The following CMKLR1 variants were observed in gnomAD, a reference collection of about 807,000 sequenced individuals.
CMKLR1 encodes the protein chemerin chemokine-like receptor 1, also known as chemerin-like receptor 1.
CMKLR1 carries 6 observed loss-of-function variants against 8.2 expected under a neutral mutation model. The ratio of observed to expected loss-of-function variants is 0.73; its 90% CI spans 0.40 to 1.44. The LOEUF is 1.44. Ranked by LOEUF, CMKLR1 falls within the 40% of genes most tolerant of loss-of-function variation. The pLI, the probability that CMKLR1 is intolerant of heterozygous loss-of-function variation, is 0.02. For missense variants in CMKLR1, 429 were observed against 478.0 expected (o/e 0.90, Z 0.96); for synonymous variants, 178 against 181.2 (o/e 0.98, Z 0.14).
intron 2 of CMKLR1, among the ~76,000 whole-genome samples, chr12:108,297,208 A>C (rs1160466095): frequency 1.3e-5 from 2 of 152,140 alleles, no homozygotes; most frequent in African/African-American, 4.8e-5. Context: ...GAGGATGAAG[A>C]CCTTTGTGGT....
At chr12:108,303,071 T>C (rs1033717129) in intron 2 of CMKLR1, among the ~76,000 whole-genome samples, 1 of 151,944 alleles carries the variant, frequency 6.6e-6, no homozygotes, top group African/African-American at 2.4e-5. Context: ...GGTTACTGAA[T>C]CCCTGACCGA....
chr12:108,296,926 A>G (rs1341278760), intron 2 of CMKLR1, among the ~76,000 whole-genome samples: 2 of 152,208 alleles, frequency 1.3e-5, no homozygotes, highest in Non-Finnish European at 1.5e-5. Flanking sequence ...TGTTGTTGGG[A>G]GAATCATGTG....
At chr12:108,323,598 T>C (rs1350956728) in intron 2 of CMKLR1, among the ~76,000 whole-genome samples, 1 of 152,202 alleles carries the variant, frequency 6.6e-6, no homozygotes, top group African/African-American at 2.4e-5. Flanking sequence ...AAATGTTCCA[T>C]GAACCTGCAC....
In CMKLR1 at chr12:108,331,830, A is replaced by G. The variant is rs530120327; in HGVS notation, c.-286-1623T>C. ...GAAGCTGGAAAAGGAGGGCAAACAGATTCTCCCCTAGGGCCTCCGGAAGAG... is the reference window on the plus strand; with the variant it reads ...GAAGCTGGAAAAGGAGGGCAAACAGGTTCTCCCCTAGGGCCTCCGGAAGAG... On this transcript the variant is annotated intron_variant, in intron 1 of 3. Transcript: ENST00000550402. Among the ~76,000 whole-genome samples the G allele has an allele frequency of 5.3e-5, 8 of 152,282 alleles. No individual in the cohort carries two copies. In the South Asian group the frequency reaches 1.7e-3, roughly 32 times the overall value.
chr12:108,338,330 C>CA (rs747318697), intron 1 of CMKLR1, among the ~76,000 whole-genome samples: 16 of 152,130 alleles, frequency 1.1e-4, no homozygotes, highest in Non-Finnish European at 2.4e-4. Context: ...ACAGGAGAGT[C>CA]AGACTAGAAA....
intron 2 of CMKLR1, among the ~76,000 whole-genome samples, chr12:108,318,826 A>C (rs549914584): frequency 6.6e-6 from 1 of 152,300 alleles, no homozygotes; most frequent in South Asian, 2.1e-4. Context: ...TGCCAAGTTG[A>C]AGCTGCTTTT....
intron 2 of CMKLR1, among the ~76,000 whole-genome samples, chr12:108,306,629 C>T (rs565053315): frequency 1.8e-4 from 27 of 152,304 alleles, no homozygotes; most frequent in South Asian, 4.1e-4. Context: ...GTAGACAAAT[C>T]TTTTCAAGAA....
At chr12:108,307,309 GT>G (rs1891435590) in intron 2 of CMKLR1, among the ~76,000 whole-genome samples, 1 of 152,176 alleles carries the variant, frequency 6.6e-6, no homozygotes, top group African/African-American at 2.4e-5. Context: ...GCTGTTCTGG[GT>G]GTGGGCTTGG....
At chr12:108,315,698 G>T (rs7315943) in intron 2 of CMKLR1, among the ~76,000 whole-genome samples, 4,218 of 152,270 alleles carry the variant, frequency 0.028, 165 homozygotes, top group African/African-American at 0.09. Flanking sequence ...AACACCAGCT[G>T]GTTCTGCACA....
chr12:108,338,244 T>C (rs1160252476), intron 1 of CMKLR1, among the ~76,000 whole-genome samples: 1 of 152,110 alleles, frequency 6.6e-6, no homozygotes, highest in East Asian at 1.9e-4. Flanking sequence ...GTCCTTTATA[T>C]ACAAAGAACC....
At chr12:108,297,616 G>C (rs765898594) in intron 2 of CMKLR1, among the ~76,000 whole-genome samples, 23 of 152,206 alleles carry the variant, frequency 1.5e-4, no homozygotes, top group Non-Finnish European at 3.4e-4. Flanking sequence ...TGAGAAAACT[G>C]AGGTTCAGAG....
intron 2 of CMKLR1, among the ~76,000 whole-genome samples, chr12:108,304,768 A>G (rs1423522445): frequency 1.3e-5 from 2 of 152,186 alleles, no homozygotes; most frequent in Non-Finnish European, 2.9e-5. Flanking sequence ...CCTCACCTGC[A>G]ACATTCCTCA....
intron 1 of CMKLR1, among the ~76,000 whole-genome samples, 151 bp downstream of exon 1, chr12:108,338,876 G>A (rs1018917856): frequency 1.3e-5 from 2 of 152,174 alleles, no homozygotes; most frequent in African/African-American, 4.8e-5. Flanking sequence ...CAATGAACAT[G>A]CATTACTTTT....
intron 1 of CMKLR1, among the ~76,000 whole-genome samples, chr12:108,330,720 G>C (rs1892084966): frequency 6.6e-6 from 1 of 152,194 alleles, no homozygotes; most frequent in African/African-American, 2.4e-5. Context: ...GCCCCTCTTG[G>C]GGCATATAAA....
At chr12:108,294,446 T>C (rs536708335) in intron 2 of CMKLR1, among the ~76,000 whole-genome samples, 34 of 152,296 alleles carry the variant, frequency 2.2e-4, no homozygotes, top group Middle Eastern at 3.4e-3. Flanking sequence ...GTTTGCAAGA[T>C]CTTGGAGGCA....
At chr12:108,329,514 C>A (rs574024663) in intron 2 of CMKLR1, among the ~76,000 whole-genome samples, 1 of 152,320 alleles carries the variant, frequency 6.6e-6, no homozygotes, top group South Asian at 2.1e-4. Context: ...TCCTGCAGTA[C>A]TTTGCACACT....
chr12:108,317,189 G>A (rs1365429210), intron 2 of CMKLR1, among the ~76,000 whole-genome samples: 2 of 152,194 alleles, frequency 1.3e-5, no homozygotes, highest in African/African-American at 4.8e-5. Context: ...TGTTTGGGAA[G>A]GTCCTGGCAG....
intron 2 of CMKLR1, among the ~76,000 whole-genome samples, chr12:108,322,187 C>T (rs1284096099): frequency 6.6e-6 from 1 of 152,170 alleles, no homozygotes; most frequent in East Asian, 1.9e-4. Flanking sequence ...GATGTTAATT[C>T]TGAGTCCCGG....
In CMKLR1 at chr12:108,291,834, G is replaced by A. The variant is rs2137290025; in HGVS notation, c.*7C>T. 3.7e-6 allele frequency: 6 copies of A among 1,606,856 alleles called. No homozygotes were observed. The highest frequency in any genetic ancestry group is 5.1e-6 in the Non-Finnish European group (6 of 1,176,682). On this transcript the variant is annotated 3_prime_UTR_variant, in exon 4 of 4. Transcript: ENST00000550402. ...AGAGAGTCCATTGAGGGGTTCCACA[G>A]TGAGGATCAAAGCATGCCGGTCTCC...
Sources: allele counts gnomAD v4.1 joint callset (sites outside exome capture counted in the v4.1 genomes callset), GRCh38; gene constraint gnomAD v4.1.1; transcripts MANE v1.5; gene names NCBI Gene and HGNC (gene_info 2026-07-23, HGNC 2026-07-21).